Variants in ARHGAP8 observed in about 807,000 individuals in gnomAD.
ARHGAP8 encodes Rho GTPase activating protein 8, also known as rho GTPase-activating protein 8.
In ARHGAP8, 62 loss-of-function variants were observed where a neutral mutation model predicts 46.1. That is an observed-to-expected ratio of 1.34 (90% CI 1.10 to 1.66). ARHGAP8 has a LOEUF of 1.66. ARHGAP8 is among the 40% of genes most tolerant of loss of function. The pLI is 0.00. For missense variants in ARHGAP8, 923 were observed against 568.4 expected, an observed-to-expected ratio of 1.62 and a Z score of -6.34; for synonymous variants, 375 against 243.1, an observed-to-expected ratio of 1.54 and a Z score of -5.05.
Position 44,844,801 on chromosome 22 carries a change from A to G in ARHGAP8, c.597-468A>G, listed in dbSNP as rs116793541. 5.0e-3 allele frequency among the ~76,000 whole-genome samples: 768 copies of G among 152,318 alleles called. 10 individuals are homozygous for G. Among genetic ancestry groups the G allele is most frequent in the African/African-American group, 0.018 (733 of 41,560 alleles). On this transcript the variant is annotated intron_variant, in intron 7 of 11. Coordinates refer to ENST00000356099, the MANE Select transcript of ARHGAP8 (RefSeq NM_181335.3). ...GTGAATCTCTGTCTCAAAATAGTAA[A>G]GTAAGAGACAGGTTAACCCAGATAA...
chr22:44,840,338 C>G (rs1931569118), intron 7 of ARHGAP8, among the ~76,000 whole-genome samples: 1 of 152,154 alleles, frequency 6.6e-6, no homozygotes, highest in South Asian at 2.1e-4. Flanking sequence ...GTATCTGTTT[C>G]TCTTCTAGTT....
rs190615433 is a variant in ARHGAP8 at position 44,789,446 on chromosome 22, C to T, written c.79+2840C>T. Among the ~76,000 whole-genome samples the T allele has an allele frequency of 8.2e-4, 125 of 151,606 alleles. 1 individual carries two copies. The highest frequency in any genetic ancestry group is 2.6e-3 in the African/African-American group (109 of 41,348). On this transcript the variant is annotated intron_variant, in intron 2 of 11. Coordinates refer to ENST00000356099, the MANE Select transcript of ARHGAP8 (RefSeq NM_181335.3). Reference sequence around the variant, plus strand: ...GATTACAGGTGTGAGCCACTGCGCCCGGCCGATGCTTTGTTACTAGGAGCA... The same window carrying T: ...GATTACAGGTGTGAGCCACTGCGCCTGGCCGATGCTTTGTTACTAGGAGCA...
intron 8 of ARHGAP8, among the ~76,000 whole-genome samples, chr22:44,847,139 C>T (rs559920392): frequency 2.6e-5 from 4 of 152,180 alleles, no homozygotes; most frequent in African/African-American, 4.8e-5. Context: ...TGTTCCGGGG[C>T]ACCCCCATCA....
intron 7 of ARHGAP8, among the ~76,000 whole-genome samples, chr22:44,835,323 TAAG>T (rs2147140692): frequency 6.6e-6 from 1 of 152,030 alleles, no homozygotes; most frequent in African/African-American, 2.4e-5. Context: ...TAGTTCTAAT[TAAG>T]AAGGATTGTG....
rs762893738 is a variant in ARHGAP8, at chr22:44,862,606, A to G, written c.*11A>G. The G allele has an allele frequency of 9.2e-5, 141 of 1,540,554 alleles. No individual in the cohort carries two copies. The highest frequency in any genetic ancestry group is 5.1e-4 in the South Asian group (42 of 81,984). On this transcript the variant is annotated 3_prime_UTR_variant, in exon 12 of 12. Transcript: ENST00000356099. ...AGAAGACGTCTCTAGTGTTGCGAAC[A>G]CTCTGTATATTTCGAGCTACCTCCC...
chr22:44,832,475 A>G (rs1931014396), intron 7 of ARHGAP8, among the ~76,000 whole-genome samples: 1 of 152,030 alleles, frequency 6.6e-6, no homozygotes, highest in African/African-American at 2.4e-5. Flanking sequence ...ATCTGCCTGC[A>G]TCAGCCTCCC....
At chr22:44,793,864 G>C (rs1424992061) in intron 2 of ARHGAP8, among the ~76,000 whole-genome samples, 1 of 152,184 alleles carries the variant, frequency 6.6e-6, no homozygotes, top group African/African-American at 2.4e-5. Context: ...TGTTCCCAGA[G>C]AACAGCGAAG....
Position 44,801,474 on chromosome 22 carries a change from T to C in ARHGAP8, c.80-603T>C, listed in dbSNP as rs1322697951. Among the ~76,000 whole-genome samples the C allele has an allele frequency of 4.0e-3, 216 of 54,542 alleles. 4 individuals are homozygous for C. Among genetic ancestry groups the C allele is most frequent in the African/African-American group, 0.014 (206 of 14,414 alleles). The allele number at this position is 54,542 out of a possible 152,430, so 35.8% of individuals were successfully genotyped here. A position where few individuals can be genotyped will look rare whatever the true frequency, so the allele number is the denominator to read the frequency against. On this transcript the variant is annotated intron_variant, in intron 2 of 11. Coordinates refer to ENST00000356099, the MANE Select transcript of ARHGAP8 (RefSeq NM_181335.3). Reference sequence around the variant, plus strand: ...GCAGCTGTCCGTGTGTGGGGGCACCTCTCCCCGCAGCTGTCTATGTGTGGG... The same window carrying C: ...GCAGCTGTCCGTGTGTGGGGGCACCCCTCCCCGCAGCTGTCTATGTGTGGG...
intron 7 of ARHGAP8, 123 bp from the exon 8 acceptor site, chr22:44,845,146 C>A: frequency 8.2e-7 from 1 of 1,213,662 alleles, no homozygotes; most frequent in South Asian, 1.5e-5. Flanking sequence ...CTACCTCTCT[C>A]TTCCTGGACA....
chr22:44,787,200 GAATT>G (rs1177408234), intron 2 of ARHGAP8, among the ~76,000 whole-genome samples: 1 of 152,142 alleles, frequency 6.6e-6, no homozygotes, highest in Non-Finnish European at 1.5e-5. Context: ...GAAATTTAAT[GAATT>G]GTTTTATTAA....
intron 7 of ARHGAP8, among the ~76,000 whole-genome samples, chr22:44,837,622 C>A (rs574566686): frequency 6.6e-6 from 1 of 152,198 alleles, no homozygotes; most frequent in Non-Finnish European, 1.5e-5. Flanking sequence ...CAACCAGAGT[C>A]CCCTGGGGTC....
rs748132766 is a variant in ARHGAP8 at position 44,802,107 on chromosome 22, C to T, written c.110C>T (p.Thr37Met). 3.7e-6 allele frequency: 6 copies of T among 1,614,142 alleles called. No individual in the cohort carries two copies. Among genetic ancestry groups the T allele is most frequent in the South Asian group, 2.2e-5 (2 of 91,078 alleles). ...GACCGCTTTGGAAGACGTGTTGTCA[C>T]GTTCAGCTGCTGCCGGATGCCACCC... ...GDDRFGRRVV[T>M]FSCCRMPPSH... The change falls in exon 3 of 12, where the codon ACG becomes ATG. Residue 37 changes from threonine (T) to methionine (M), a missense_variant. Coordinates refer to ENST00000356099, the MANE Select transcript of ARHGAP8 (RefSeq NM_181335.3).
At chr22:44,773,482 G>A (rs1926191751) in intron 1 of ARHGAP8, among the ~76,000 whole-genome samples, 2 of 152,188 alleles carry the variant, frequency 1.3e-5, no homozygotes, top group Admixed American at 1.3e-4. Flanking sequence ...TAATTACACT[G>A]TGTGTTAGCA....
Position 44,848,934 on chromosome 22 carries a change from A to G in ARHGAP8, c.751A>G (p.Lys251Glu). Residue 251 changes from lysine to glutamate, a missense_variant and splice_region_variant, in exon 10 of 12, where the codon AAG becomes GAG. Physicochemically the swap from Lys to Glu is moderately conservative, Grantham distance 56. Transcript: ENST00000356099. ...GCAGTGCTGTGTTGTGTGTGCAGGG[A>G]AGCCCGTGAACTTTGACGACTACGG... ...REIQRLYNQG[K>E]PVNFDDYGDI... is the part of the protein sequence containing the mutation. 6.2e-7 allele frequency: 1 copy of G among 1,614,064 alleles called. No homozygotes were observed. Among genetic ancestry groups the G allele is most frequent in the South Asian group, 1.1e-5 (1 of 91,072 alleles).
At chr22:44,836,183 T>C (rs1232916964) in intron 7 of ARHGAP8, among the ~76,000 whole-genome samples, 2 of 152,042 alleles carry the variant, frequency 1.3e-5, no homozygotes, top group Non-Finnish European at 2.9e-5. Context: ...CAGCTCCACC[T>C]CATACCAAAT....
At chr22:44,839,255 G>A (rs1039602347) in intron 7 of ARHGAP8, among the ~76,000 whole-genome samples, 2 of 152,170 alleles carry the variant, frequency 1.3e-5, no homozygotes, top group African/African-American at 4.8e-5. Flanking sequence ...GCAACAGCAG[G>A]ACCTCCTGAA....
chr22:44,761,929 G>C (rs1391323781), intron 1 of ARHGAP8, among the ~76,000 whole-genome samples: 1 of 152,224 alleles, frequency 6.6e-6, no homozygotes, highest in Non-Finnish European at 1.5e-5. Flanking sequence ...CAGATCTCAT[G>C]AGACTTATTC....
intron 1 of ARHGAP8, among the ~76,000 whole-genome samples, chr22:44,773,581 T>C (rs959879432): frequency 6.6e-6 from 1 of 152,146 alleles, no homozygotes; most frequent in African/African-American, 2.4e-5. Context: ...GAATTTTTCT[T>C]TTTTCTCTCT....
Position 44,817,866 on chromosome 22 carries a change from A to G in ARHGAP8, c.386+3108A>G, listed in dbSNP as rs551278586. ...ATGGTGGCTCACACCTGTAATCCCA[A>G]CACTTTGGGAGGCCAAGGCAGGTGG... On this transcript the variant is annotated intron_variant, in intron 5 of 11. Coordinates refer to ENST00000356099, the MANE Select transcript of ARHGAP8 (RefSeq NM_181335.3). Among the ~76,000 whole-genome samples, 7 of 151,528 alleles carry G rather than the reference A, an allele frequency of 4.6e-5. No homozygotes were observed. The East Asian group carries it at 1.2e-3, about 25-fold the overall frequency.
Sources: gnomAD v4.1 joint callset for allele counts (sites outside exome capture counted in the v4.1 genomes callset) on GRCh38, gnomAD v4.1.1 for gene constraint, MANE v1.5 for transcripts, NCBI Gene and HGNC (gene_info 2026-07-23, HGNC 2026-07-21) for gene names.